The following UMAD1 variants were observed in gnomAD, a reference collection of about 807,000 sequenced individuals.
The protein encoded by UMAD1 is UBAP1-MVB12-associated (UMA) domain containing 1.
Under a neutral mutation model 6.1 loss-of-function variants are expected in UMAD1, and 8 were observed. The observed-to-expected ratio is 1.30, with a 90% CI of 0.76 to 2.35. The LOEUF is 2.35. Among genes scored for constraint, UMAD1 ranks in the 30% most tolerant of loss-of-function variants. The pLI, the probability that UMAD1 is intolerant of heterozygous loss-of-function variation, is 0.00. For missense variants in UMAD1, 130 were observed against 78.4 expected (o/e 1.66, Z -2.49); for synonymous variants, 56 against 31.4 (o/e 1.78, Z -2.61).
At chr7:7,649,786 G>C (rs1785184228) in intron 1 of UMAD1, among the ~76,000 whole-genome samples, 1 of 152,104 alleles carries the variant, frequency 6.6e-6, no homozygotes. Flanking sequence ...AACCCCTAAG[G>C]TGATGGCATA....
At chr7:7,856,956 T>A (rs956109685) in intron 3 of UMAD1, among the ~76,000 whole-genome samples, 7 of 152,218 alleles carry the variant, frequency 4.6e-5, no homozygotes, top group Non-Finnish European at 7.3e-5. Flanking sequence ...ATTTAAAAAA[T>A]TTTTCAACTT....
intron 1 of UMAD1, among the ~76,000 whole-genome samples, chr7:7,665,513 A>C (rs1359125472): frequency 6.6e-6 from 1 of 152,226 alleles, no homozygotes; most frequent in Admixed American, 6.5e-5. Flanking sequence ...TGTGTCAATA[A>C]ATTTTTAAAG....
chr7:7,831,040 C>A (rs933477897), intron 3 of UMAD1, among the ~76,000 whole-genome samples: 1 of 152,034 alleles, frequency 6.6e-6, no homozygotes, highest in African/African-American at 2.4e-5. Flanking sequence ...GATAATATTA[C>A]AACAAATACT....
At chr7:7,651,663 T>C (rs949939393) in intron 1 of UMAD1, among the ~76,000 whole-genome samples, 6 of 152,220 alleles carry the variant, frequency 3.9e-5, no homozygotes, top group African/African-American at 1.4e-4. Flanking sequence ...TTCTTGTTTC[T>C]GAGTCTGGTC....
At chr7:7,685,136 C>T (rs1287368668) in intron 2 of UMAD1, among the ~76,000 whole-genome samples, 2 of 151,952 alleles carry the variant, frequency 1.3e-5, no homozygotes, top group African/African-American at 4.8e-5. Context: ...AATATTCTAC[C>T]TTGTATGAGT....
chr7:7,694,010 T>TGC (rs1780243613), intron 2 of UMAD1, among the ~76,000 whole-genome samples: 1 of 152,216 alleles, frequency 6.6e-6, no homozygotes, highest in Admixed American at 6.5e-5. Flanking sequence ...GCTTTGTTGA[T>TGC]ATAAGGCAAC....
intron 2 of UMAD1, among the ~76,000 whole-genome samples, chr7:7,685,511 T>C (rs1780023754): frequency 6.6e-6 from 1 of 152,038 alleles, no homozygotes; most frequent in African/African-American, 2.4e-5. Flanking sequence ...GTTTCACCAC[T>C]TTGGCCAGGA....
intron 2 of UMAD1, among the ~76,000 whole-genome samples, chr7:7,715,440 C>G (rs2110553): frequency 0.083 from 12,611 of 152,196 alleles, 616 homozygotes; most frequent in Non-Finnish European, 0.098. Context: ...TGATAAGTAA[C>G]TTAGGGAAGT....
At chr7:7,728,045 C>T (rs906143104) in intron 2 of UMAD1, among the ~76,000 whole-genome samples, 2 of 152,082 alleles carry the variant, frequency 1.3e-5, no homozygotes, top group Non-Finnish European at 2.9e-5. Flanking sequence ...CTATTTTCTT[C>T]TGTTGGCCCT....
At position 7,673,310 on chromosome 7, in the gene UMAD1, TA is replaced by T; in HGVS notation, c.-61del. On this transcript the variant is annotated splice_region_variant and 5_prime_UTR_variant, in exon 2 of 4. Transcript: ENST00000682710. ...CATTGTGTAATGTTTCTATTTCAGG[TA>T]GCAGCAGCAGCAGCAGCAGCAGCAG... 1 of 1,032,944 alleles carries T rather than the reference TA, an allele frequency of 9.7e-7. No homozygotes were observed. The highest frequency in any genetic ancestry group is 2.7e-5 in the East Asian group (1 of 37,206). The allele number at this position is 1,032,944 out of a possible 1,614,324, so 64.0% of individuals were successfully genotyped here.
At chr7:7,674,331 G>C (rs1233061020) in intron 2 of UMAD1, among the ~76,000 whole-genome samples, 1 of 152,264 alleles carries the variant, frequency 6.6e-6, no homozygotes, top group East Asian at 1.9e-4. Context: ...GCTAGCATCA[G>C]CCAATGCTCT....
At chr7:7,699,905 A>T (rs1309003553) in intron 2 of UMAD1, among the ~76,000 whole-genome samples, 2 of 152,238 alleles carry the variant, frequency 1.3e-5, no homozygotes, top group Non-Finnish European at 1.5e-5. Context: ...TGTTTTGTTT[A>T]TTCATAGATT....
intron 2 of UMAD1, among the ~76,000 whole-genome samples, chr7:7,781,504 C>T (rs1160256852): frequency 1.1e-4 from 16 of 151,744 alleles, no homozygotes; most frequent in Admixed American, 1.0e-3. Flanking sequence ...TGTTTATAAT[C>T]CTATCCAGAA....
At chr7:7,692,676 C>T (rs1780200287) in intron 2 of UMAD1, among the ~76,000 whole-genome samples, 1 of 152,158 alleles carries the variant, frequency 6.6e-6, no homozygotes, top group Non-Finnish European at 1.5e-5. Flanking sequence ...GTAGCGTGAT[C>T]TCAGCTCACT....
intron 2 of UMAD1, among the ~76,000 whole-genome samples, chr7:7,791,307 T>TGCTGAGAACAGCCCTTTGTAGA (rs1282696040): frequency 1.3e-5 from 2 of 152,250 alleles, no homozygotes; most frequent in African/African-American, 4.8e-5. Flanking sequence ...GTCAGTGGAA[T>TGCTGAGAACAGCCCTTTGTAGA]GCTGAGAACA....
chr7:7,731,255 C>G (rs1781246020), intron 2 of UMAD1, among the ~76,000 whole-genome samples: 2 of 152,122 alleles, frequency 1.3e-5, no homozygotes, highest in African/African-American at 4.8e-5. Context: ...CTGCCTAGGC[C>G]TCCCAAAGTG....
intron 2 of UMAD1, among the ~76,000 whole-genome samples, chr7:7,744,454 G>C (rs1781530247): frequency 6.6e-6 from 1 of 152,070 alleles, no homozygotes; most frequent in Non-Finnish European, 1.5e-5. Flanking sequence ...GAATTGCTAG[G>C]TTATATGGCA....
In UMAD1 at chr7:7,742,394, A is replaced by C. The variant is rs910899578; in HGVS notation, c.83-59276A>C. 19 of 585,146 alleles carry C rather than the reference A, an allele frequency of 3.2e-5. No individual in the cohort carries two copies. The African/African-American group carries it at 3.5e-4, about 11-fold the overall frequency. 36.2% of individuals were successfully genotyped at this position (585,146 alleles called of 1,614,324 possible). ...ATATCTGGGCTGCCTCCGGAGTCGC[A>C]GTGTCTTGGGCTGCTGGAAGGTGGG... On this transcript the variant is annotated intron_variant, in intron 2 of 3. Coordinates refer to ENST00000682710, the MANE Select transcript of UMAD1 (RefSeq NM_001302348.2).
intron 2 of UMAD1, among the ~76,000 whole-genome samples, chr7:7,789,238 T>C (rs917172438): frequency 6.6e-6 from 1 of 151,808 alleles, no homozygotes; most frequent in Non-Finnish European, 1.5e-5. Flanking sequence ...GTAGTAAGGC[T>C]TTTTATTGAG....
Sources: gnomAD v4.1 joint callset for allele counts (sites outside exome capture counted in the v4.1 genomes callset) on GRCh38, gnomAD v4.1.1 for gene constraint, MANE v1.5 for transcripts, NCBI Gene and HGNC (gene_info 2026-07-23, HGNC 2026-07-21) for gene names.